The following UHMK1 variants were observed in gnomAD, a reference collection of about 807,000 sequenced individuals.
UHMK1 encodes U2AF homology motif kinase 1, also known as serine/threonine-protein kinase Kist.
UHMK1 carries 18 observed loss-of-function variants against 44.0 expected under a neutral mutation model. The observed-to-expected ratio is 0.41, with a 90% CI of 0.28 to 0.61. The LOEUF (loss-of-function observed/expected upper bound fraction) is 0.61, where lower values mean the gene tolerates loss of function less well. Among genes scored for constraint, UHMK1 ranks in the 20% least tolerant of loss-of-function variants. UHMK1 has a pLI of 0.31. For missense variants in UHMK1, 463 were observed against 522.5 expected, an observed-to-expected ratio of 0.89 and a Z score of 1.11; for synonymous variants, 231 against 198.5, an observed-to-expected ratio of 1.16 and a Z score of -1.38.
chr1:162,510,979 A>G (rs1030420699), intron 4 of UHMK1, among the ~76,000 whole-genome samples: 4 of 151,760 alleles, frequency 2.6e-5, no homozygotes, highest in East Asian at 1.9e-4. Context: ...GATGATAGCT[A>G]TTGTAATAGG....
chr1:162,498,396 C>G, intron 1 of UHMK1, 128 bp downstream of exon 1: 1 of 1,131,150 alleles, frequency 8.8e-7, no homozygotes, highest in East Asian at 2.7e-5. Context: ...CTTTATCACC[C>G]CATCCAGGCC....
At chr1:162,518,228 G>T (rs769342857) in intron 7 of UHMK1, 38 bp downstream of exon 7, 12 of 1,451,034 alleles carry the variant, frequency 8.3e-6, no homozygotes, top group Non-Finnish European at 1.2e-5. Flanking sequence ...TTACTCAGAG[G>T]TTATTAAAAT....
chr1:162,510,441 CTT>C (rs905608909), intron 4 of UHMK1, among the ~76,000 whole-genome samples: 3 of 152,136 alleles, frequency 2.0e-5, no homozygotes, highest in African/African-American at 4.8e-5. Flanking sequence ...GACATCAACA[CTT>C]TTTAGAATTC....
rs1652255373 is a variant in UHMK1 at position 162,526,444 on chromosome 1, G to A, written c.*3894G>A. The A allele has an allele frequency of 6.6e-6, 1 of 152,052 alleles. No homozygotes were observed. The highest frequency in any genetic ancestry group is 2.4e-5 in the African/African-American group (1 of 41,392). The allele number at this position is 152,052 out of a possible 1,614,324, so 9.4% of individuals were successfully genotyped here. A position where few individuals can be genotyped will look rare whatever the true frequency, so the allele number is the denominator to read the frequency against. On this transcript the variant is annotated 3_prime_UTR_variant, in exon 8 of 8. Transcript: ENST00000489294. ...GCTAGGTGGCTTTATTCAGATTCGG[G>A]TACATTGGAATCACATCATGACTTT...
In UHMK1 at chr1:162,497,892, C is replaced by G. The variant is rs1275515860; in HGVS notation, c.-109C>G. ...GGGAGTCGGTGAGGCGGCTGCAGGT[C>G]CCTCCCTGCGGAGCCGCTGGTCCGG... On this transcript the variant is annotated 5_prime_UTR_variant, in exon 1 of 8. Coordinates refer to ENST00000489294, the MANE Select transcript of UHMK1 (RefSeq NM_175866.5). The G allele has an allele frequency of 1.4e-6, 2 of 1,415,536 alleles. No homozygotes were observed. Among genetic ancestry groups the G allele is most frequent in the Non-Finnish European group, 1.8e-6 (2 of 1,090,356 alleles). 87.7% of individuals were successfully genotyped at this position (1,415,536 alleles called of 1,614,324 possible).
intron 4 of UHMK1, among the ~76,000 whole-genome samples, chr1:162,509,319 C>A (rs140635849): frequency 1.2e-4 from 18 of 152,254 alleles, no homozygotes; most frequent in African/African-American, 3.9e-4. Flanking sequence ...CCCAAGATTT[C>A]TTCTCACTGT....
In UHMK1 at chr1:162,497,890, G is replaced by T; in HGVS notation, c.-111G>T. Reference sequence around the variant, plus strand: ...CCGGGAGTCGGTGAGGCGGCTGCAGGTCCCTCCCTGCGGAGCCGCTGGTCC... The same window carrying T: ...CCGGGAGTCGGTGAGGCGGCTGCAGTTCCCTCCCTGCGGAGCCGCTGGTCC... On this transcript the variant is annotated 5_prime_UTR_variant, in exon 1 of 8. Transcript: ENST00000489294. 2 of 1,415,028 alleles carry T rather than the reference G, an allele frequency of 1.4e-6. No individual in the cohort carries two copies. Among genetic ancestry groups the T allele is most frequent in the South Asian group, 1.6e-5 (1 of 63,458 alleles). The allele number at this position is 1,415,028 out of a possible 1,614,324, so 87.7% of individuals were successfully genotyped here.
At chr1:162,504,672 A>G (rs1324422664) in intron 4 of UHMK1, among the ~76,000 whole-genome samples, 2 of 152,208 alleles carry the variant, frequency 1.3e-5, no homozygotes, top group Non-Finnish European at 2.9e-5. Context: ...TGGGTAATTC[A>G]GTGAGTGAGT....
In UHMK1 at chr1:162,525,611, A is replaced by G. The variant is rs979628828; in HGVS notation, c.*3061A>G. 11 of 152,250 alleles carry G rather than the reference A, an allele frequency of 7.2e-5. No individual in the cohort carries two copies. Among genetic ancestry groups the G allele is most frequent in the Non-Finnish European group, 2.9e-5 (2 of 68,042 alleles). The allele number at this position is 152,250 out of a possible 1,614,324, so 9.4% of individuals were successfully genotyped here. A position where few individuals can be genotyped will look rare whatever the true frequency, so the allele number is the denominator to read the frequency against. ...AAGTAGAGTTGGACACCTCAGTAAG[A>G]GACAGCATTAACTAAAAGTACTGAC... On this transcript the variant is annotated 3_prime_UTR_variant, in exon 8 of 8. Coordinates refer to ENST00000489294, the MANE Select transcript of UHMK1 (RefSeq NM_175866.5).
chr1:162,503,643 C>T, intron 3 of UHMK1, 111 bp from the exon 4 acceptor site: 1 of 570,198 alleles, frequency 1.8e-6, no homozygotes, highest in South Asian at 2.7e-5. Flanking sequence ...ATTGTAGGCT[C>T]TCAGAAGATA....
chr1:162,509,782 A>G (rs145610772), intron 4 of UHMK1, among the ~76,000 whole-genome samples: 205 of 152,300 alleles, frequency 1.3e-3, no homozygotes, highest in African/African-American at 4.8e-3. Context: ...AGCTGGGACT[A>G]CAGGTGCACA....
At chr1:162,498,693 A>T (rs980115557) in intron 1 of UHMK1, among the ~76,000 whole-genome samples, 3 of 152,190 alleles carry the variant, frequency 2.0e-5, no homozygotes, top group Non-Finnish European at 2.9e-5. Context: ...CACCTATTAT[A>T]TCTTTAGTAC....
intron 3 of UHMK1, among the ~76,000 whole-genome samples, chr1:162,501,696 T>A (rs1009480664): frequency 3.9e-5 from 6 of 152,220 alleles, no homozygotes; most frequent in Non-Finnish European, 7.3e-5. Context: ...TTCTTTTGTT[T>A]ACTAACAGTA....
intron 6 of UHMK1, among the ~76,000 whole-genome samples, chr1:162,513,756 A>G (rs1441805673): frequency 6.6e-6 from 1 of 152,244 alleles, no homozygotes; most frequent in African/African-American, 2.4e-5. Context: ...AATCAGTTAA[A>G]GCTAACGAGG....
upstream of UHMK1, chr1:162,497,390 C>T: frequency 1.5e-6 from 1 of 654,904 alleles, no homozygotes; most frequent in South Asian, 1.6e-5. Context: ...CGATGGTTGG[C>T]GACACGGGGG....
rs972051066 is a variant in UHMK1, at chr1:162,524,400, A to G, written c.*1850A>G. 2 of 152,156 alleles carry G rather than the reference A, an allele frequency of 1.3e-5. No homozygotes were observed. Among genetic ancestry groups the G allele is most frequent in the African/African-American group, 2.4e-5 (1 of 41,436 alleles). 9.4% of individuals were successfully genotyped at this position (152,156 alleles called of 1,614,324 possible). A position where few individuals can be genotyped will look rare whatever the true frequency, so the allele number is the denominator to read the frequency against. Reference sequence around the variant, plus strand: ...ATACATGCCCTTAGAAGGAAGAACTATTATTTTTTATTTTGGCCCTTTCAG... The same window carrying G: ...ATACATGCCCTTAGAAGGAAGAACTGTTATTTTTTATTTTGGCCCTTTCAG... On this transcript the variant is annotated 3_prime_UTR_variant, in exon 8 of 8. Coordinates refer to ENST00000489294, the MANE Select transcript of UHMK1 (RefSeq NM_175866.5).
chr1:162,504,211 G>A (rs905554718), intron 4 of UHMK1, among the ~76,000 whole-genome samples: 16 of 152,112 alleles, frequency 1.1e-4, no homozygotes, highest in East Asian at 1.9e-4. Context: ...AAACCATTTC[G>A]AATAAGATAG....
At chr1:162,521,626 TTTTG>T (rs975128533) in intron 7 of UHMK1, among the ~76,000 whole-genome samples, 2 of 152,058 alleles carry the variant, frequency 1.3e-5, no homozygotes, top group East Asian at 1.9e-4. Context: ...CCCAGTTAGA[TTTTG>T]TTTGTTTGTT....
At chr1:162,503,947 T>A in intron 4 of UHMK1, 99 bp downstream of exon 4, 1 of 848,276 alleles carries the variant, frequency 1.2e-6, no homozygotes, top group Non-Finnish European at 1.8e-6. Flanking sequence ...TATTTCTATG[T>A]AAGGAACATA....
Sources: gnomAD v4.1 joint callset for allele counts (sites outside exome capture counted in the v4.1 genomes callset) on GRCh38, gnomAD v4.1.1 for gene constraint, MANE v1.5 for transcripts, NCBI Gene and HGNC (gene_info 2026-07-23, HGNC 2026-07-21) for gene names.